The following GATM variants were observed in gnomAD, a reference collection of about 807,000 sequenced individuals.
The protein encoded by GATM is glycine amidinotransferase, mitochondrial.
A neutral mutation model predicts 54.2 loss-of-function variants in GATM; 23 were observed. The ratio of observed to expected loss-of-function variants is 0.42; its 90% CI spans 0.31 to 0.60. The LOEUF is 0.60. GATM is among the 20% of genes least tolerant of loss of function. The pLI, the probability that GATM is intolerant of heterozygous loss-of-function variation, is 0.14. For missense variants in GATM, 401 were observed against 544.9 expected, an observed-to-expected ratio of 0.74 and a Z score of 2.63; for synonymous variants, 168 against 183.1, an observed-to-expected ratio of 0.92 and a Z score of 0.67.
In GATM at chr15:45,369,307, G is replaced by A. The variant is rs374556262; in HGVS notation, c.484+19C>T. The A allele has an allele frequency of 4.1e-5, 66 of 1,607,030 alleles. No individual in the cohort carries two copies. The African/African-American group carries it at 7.9e-4, about 19-fold the overall frequency. ...TGAAAATTCAGACACTGGCAGTTTA[G>A]TTATCTGACATCACTTACCCGTAGA... On this transcript the variant is annotated intron_variant, in intron 3 of 8. Transcript: ENST00000396659.
upstream of GATM, among the ~76,000 whole-genome samples, chr15:45,381,232 G>A (rs918874548): frequency 6.6e-6 from 1 of 151,918 alleles, no homozygotes; most frequent in Non-Finnish European, 1.5e-5. Flanking sequence ...GGATCTTGGT[G>A]GTCTCATACC....
intron 3 of GATM, among the ~76,000 whole-genome samples, chr15:45,391,092 A>G (rs888200842): frequency 1.3e-5 from 2 of 152,212 alleles, no homozygotes; most frequent in Non-Finnish European, 2.9e-5. Flanking sequence ...TACCTTAGAA[A>G]GGTATTTTGT....
At chr15:45,384,592 A>G (rs554694885) in intron 3 of GATM, among the ~76,000 whole-genome samples, 1 of 152,314 alleles carries the variant, frequency 6.6e-6, no homozygotes, top group Admixed American at 6.5e-5. Flanking sequence ...TGGAAATACA[A>G]TGTATGTTCA....
chr15:45,376,559 G>A (rs1889639675), intron 2 of GATM, 42 bp downstream of exon 2: 1 of 1,537,144 alleles, frequency 6.5e-7, no homozygotes, highest in East Asian at 2.2e-5. Flanking sequence ...CAGCAGGTGA[G>A]GAGGGAGCGC....
chr15:45,387,532 A>C (rs1009220414), intron 3 of GATM, among the ~76,000 whole-genome samples: 3 of 152,120 alleles, frequency 2.0e-5, no homozygotes, highest in Admixed American at 6.6e-5. Flanking sequence ...ACACCTTGTT[A>C]ATACTTTTTT....
Position 45,399,008 on chromosome 15 carries a change from A to T in GATM, c.-480+538T>A, listed in dbSNP as rs538626707. 1.1e-4 allele frequency among the ~76,000 whole-genome samples: 17 copies of T among 152,360 alleles called. No homozygotes were observed. In the South Asian group the frequency reaches 3.5e-3, roughly 32 times the overall value. ...TAATTAAGAATTTTTATAGTTAATTAAAAATTAGACAGATTGTAACCTTGA... is the reference window on the plus strand; with the variant it reads ...TAATTAAGAATTTTTATAGTTAATTTAAAATTAGACAGATTGTAACCTTGA... On this transcript the variant is annotated intron_variant, in intron 2 of 4. Coordinates refer to the GATM transcript ENST00000561148.
intron 2 of GATM, among the ~76,000 whole-genome samples, chr15:45,399,170 C>A (rs1595491698): frequency 6.6e-6 from 1 of 152,236 alleles, no homozygotes; most frequent in Non-Finnish European, 1.5e-5. Context: ...AAGATGAATT[C>A]CATCGGTTTG....
chr15:45,400,096 C>A (rs1460491213), intron 1 of GATM, among the ~76,000 whole-genome samples: 1 of 152,150 alleles, frequency 6.6e-6, no homozygotes, highest in African/African-American at 2.4e-5. Context: ...GTGGTAGGCA[C>A]CTGTAATCCC....
At position 45,362,151 on chromosome 15, in the gene GATM, G is replaced by C; in HGVS notation, c.1230C>G (p.Cys410Trp). ...SLGGGFHCWT[C>W]DVRRRGTLQS... is the part of the protein sequence containing the mutation. Reference sequence around the variant, plus strand: ...GTAAGGTGCCTCGGCGCCGGACATCGCAGGTCCAGCAATGGAAGCCTCCTC... The same window carrying C: ...GTAAGGTGCCTCGGCGCCGGACATCCCAGGTCCAGCAATGGAAGCCTCCTC... The change falls in exon 9 of 9, where the codon TGC becomes TGG. Residue 410 changes from cysteine to tryptophan, a missense_variant. Cys to Trp is a radical substitution (Grantham distance 215). This residue lies in a region of GATM where 321 missense variants were observed against 457.5 expected (regional missense o/e 0.70). Transcript: ENST00000396659. 1 of 1,613,742 alleles carries C rather than the reference G, an allele frequency of 6.2e-7. No individual in the cohort carries two copies. The highest frequency in any genetic ancestry group is 8.5e-7 in the Non-Finnish European group (1 of 1,179,710).
intron 2 of GATM, among the ~76,000 whole-genome samples, chr15:45,374,290 CA>C (rs1889591331): frequency 6.6e-6 from 1 of 152,128 alleles, no homozygotes; most frequent in Non-Finnish European, 1.5e-5. Flanking sequence ...AGTCTAAAGT[CA>C]TAAATCAAGT....
chr15:45,366,728 G>C (rs1454707300), intron 4 of GATM, among the ~76,000 whole-genome samples: 2 of 152,152 alleles, frequency 1.3e-5, no homozygotes, highest in Non-Finnish European at 2.9e-5. Flanking sequence ...TGATACAACA[G>C]TCCTCCTTTA....
In GATM at chr15:45,378,484, T is replaced by C. The variant is rs1459133757; in HGVS notation, c.-31A>G. 7.1e-7 allele frequency: 1 copy of C among 1,412,962 alleles called. No individual in the cohort carries two copies. The highest frequency in any genetic ancestry group is 1.5e-5 in the South Asian group (1 of 66,894). The allele number at this position is 1,412,962 out of a possible 1,614,324, so 87.5% of individuals were successfully genotyped here. ...TGGCCCGGCTGGTCCACGCGCGGAA[T>C]GTTCCTGGCCTCTGGGCCGCGTCGG... On this transcript the variant is annotated 5_prime_UTR_variant, in exon 1 of 9. Transcript: ENST00000396659.
At chr15:45,398,430 A>AT (rs1205428199) in intron 2 of GATM, among the ~76,000 whole-genome samples, 1 of 152,214 alleles carries the variant, frequency 6.6e-6, no homozygotes, top group Non-Finnish European at 1.5e-5. Context: ...AATCCAGCAA[A>AT]TATTTTCATC....
chr15:45,371,234 C>T (rs1400017888), intron 2 of GATM, among the ~76,000 whole-genome samples: 1 of 152,134 alleles, frequency 6.6e-6, no homozygotes, highest in African/African-American at 2.4e-5. Flanking sequence ...GAACGCCAAT[C>T]AGAGAATCCA....
intron 6 of GATM, 140 bp downstream of exon 6, chr15:45,365,906 G>A (rs1889440648): frequency 5.1e-6 from 4 of 782,972 alleles, no homozygotes; most frequent in South Asian, 4.4e-5. Context: ...GGAATCCAAT[G>A]TTTGATCATA....
intron 1 of GATM, chr15:45,377,027 T>G: frequency 1.6e-6 from 1 of 608,118 alleles, no homozygotes; most frequent in Non-Finnish European, 2.9e-6. Flanking sequence ...CAAATTGTCT[T>G]CTTATCTATT....
upstream of GATM, chr15:45,379,348 G>A (rs939933174): frequency 6.6e-6 from 1 of 152,188 alleles, no homozygotes; most frequent in Non-Finnish European, 1.5e-5. Flanking sequence ...CTCCTAGCAG[G>A]AGGGGGGGCA....
At chr15:45,362,464 T>C (rs910595350) in intron 8 of GATM, among the ~76,000 whole-genome samples, 9 of 152,232 alleles carry the variant, frequency 5.9e-5, no homozygotes, top group Admixed American at 1.3e-4. Flanking sequence ...CACAAGTCAA[T>C]AGACTGAGCA....
intron 1 of GATM, chr15:45,378,080 G>C (rs571606174): frequency 3.1e-4 from 107 of 344,836 alleles, no homozygotes; most frequent in Non-Finnish European, 4.9e-4. Flanking sequence ...TCCGGTAGAG[G>C]GGGGCGGCGC....
Sources: gnomAD v4.1 joint callset for allele counts (sites outside exome capture counted in the v4.1 genomes callset) on GRCh38, gnomAD v4.1.1 for gene constraint, gnomAD v4.1.1 regional missense constraint, MANE v1.5 for transcripts, NCBI Gene and HGNC (gene_info 2026-07-23, HGNC 2026-07-21) for gene names.